SGCZ: variants seen among roughly 807,000 people sequenced by gnomAD.
SGCZ encodes sarcoglycan zeta, also known as zeta-sarcoglycan.
SGCZ carries 40 observed loss-of-function variants against 41.3 expected under a neutral mutation model. The ratio of observed to expected loss-of-function variants is 0.97; its 90% CI spans 0.75 to 1.26. The LOEUF (loss-of-function observed/expected upper bound fraction) is 1.26. Among genes scored for constraint, SGCZ ranks in the 50% most tolerant of loss-of-function variants. SGCZ has a pLI of 0.00. For synonymous variants in SGCZ, 206 were observed against 137.5 expected (o/e 1.50, Z -3.49); for missense variants, 552 against 369.8 (o/e 1.49, Z -4.04).
intron 4 of SGCZ, among the ~76,000 whole-genome samples, chr8:14,236,352 T>C (rs958509451): frequency 3.9e-5 from 6 of 152,206 alleles, no homozygotes; most frequent in Admixed American, 2.6e-4. Flanking sequence ...CAAACTTTTA[T>C]GATGTAAAGC....
intron 1 of SGCZ, among the ~76,000 whole-genome samples, chr8:15,229,689 C>A (rs145136531): frequency 2.0e-5 from 3 of 152,136 alleles, no homozygotes; most frequent in East Asian, 3.9e-4. Flanking sequence ...TTTTAAAAGC[C>A]CTCAAATACT....
intron 1 of SGCZ, among the ~76,000 whole-genome samples, chr8:15,051,859 A>G (rs189082884): frequency 6.6e-6 from 1 of 152,308 alleles, no homozygotes; most frequent in Non-Finnish European, 1.5e-5. Context: ...GTGTTTAAGC[A>G]TTTGAGCTGG....
At chr8:14,593,244 C>T (rs149724168) in intron 1 of SGCZ, among the ~76,000 whole-genome samples, 1 of 152,040 alleles carries the variant, frequency 6.6e-6, no homozygotes, top group Non-Finnish European at 1.5e-5. Context: ...CAAGAGAATC[C>T]GTTGGTAGCA....
intron 1 of SGCZ, among the ~76,000 whole-genome samples, chr8:14,772,865 G>T (rs990431710): frequency 1.3e-5 from 2 of 151,946 alleles, no homozygotes; most frequent in Non-Finnish European, 2.9e-5. Context: ...CTTTGCTGTT[G>T]TGAATAGTGC....
intron 2 of SGCZ, among the ~76,000 whole-genome samples, chr8:14,451,679 A>C (rs1159399222): frequency 6.6e-6 from 1 of 152,210 alleles, no homozygotes; most frequent in African/African-American, 2.4e-5. Context: ...AAAAATGGGC[A>C]AAAGGTCTTA....
chr8:14,498,048 A>T (rs1183604671), intron 2 of SGCZ, among the ~76,000 whole-genome samples: 1 of 152,144 alleles, frequency 6.6e-6, no homozygotes, highest in Non-Finnish European at 1.5e-5. Flanking sequence ...ATTCATGCAC[A>T]TTGGCATTTG....
At chr8:14,481,570 GT>G (rs1333286319) in intron 2 of SGCZ, among the ~76,000 whole-genome samples, 1 of 152,014 alleles carries the variant, frequency 6.6e-6, no homozygotes, top group African/African-American at 2.4e-5. Context: ...TGAGTTTACT[GT>G]TTTATTTTAT....
At chr8:14,256,557 T>TAA (rs201237508) in intron 3 of SGCZ, among the ~76,000 whole-genome samples, 6,063 of 141,516 alleles carry the variant, frequency 0.043, 219 homozygotes, top group East Asian at 0.19. Context: ...CAGTTGGAAT[T>TAA]ACTCTCTCTT....
intron 3 of SGCZ, among the ~76,000 whole-genome samples, chr8:14,258,559 C>T (rs1563217810): frequency 6.6e-6 from 1 of 151,770 alleles, no homozygotes; most frequent in Non-Finnish European, 1.5e-5. Context: ...TGTACTTCTC[C>T]AAAAAAATAC....
chr8:14,708,132 T>A (rs1809389848), intron 1 of SGCZ, among the ~76,000 whole-genome samples: 1 of 151,952 alleles, frequency 6.6e-6, no homozygotes. Context: ...TTAATTTAAA[T>A]TTTAATTAAA....
chr8:14,583,554 G>T (rs988322025), intron 1 of SGCZ, among the ~76,000 whole-genome samples: 2 of 152,008 alleles, frequency 1.3e-5, no homozygotes, highest in African/African-American at 4.8e-5. Context: ...CATTGCTTTT[G>T]ATGTTTTAGA....
At chr8:14,124,899 A>G (rs989539884) in intron 5 of SGCZ, among the ~76,000 whole-genome samples, 5 of 152,018 alleles carry the variant, frequency 3.3e-5, no homozygotes, top group African/African-American at 1.2e-4. Context: ...TAAAGTAGAA[A>G]TGAAGCTGAC....
intron 1 of SGCZ, among the ~76,000 whole-genome samples, chr8:15,191,334 C>T (rs1355527066): frequency 6.6e-6 from 1 of 152,022 alleles, no homozygotes; most frequent in Non-Finnish European, 1.5e-5. Flanking sequence ...TTCGTATTCA[C>T]AAGCATACCT....
chr8:14,356,115 C>T (rs1803285134), intron 2 of SGCZ, among the ~76,000 whole-genome samples: 1 of 152,134 alleles, frequency 6.6e-6, no homozygotes, highest in Non-Finnish European at 1.5e-5. Context: ...AGTGGACAAG[C>T]AATGCTGTAC....
intron 1 of SGCZ, among the ~76,000 whole-genome samples, chr8:15,215,136 G>A (rs911359693): frequency 3.9e-5 from 6 of 152,034 alleles, no homozygotes; most frequent in African/African-American, 1.4e-4. Context: ...CAAGAAATTA[G>A]TTTATATGCC....
chr8:14,501,951 A>C (rs1255735592), intron 2 of SGCZ, among the ~76,000 whole-genome samples: 1 of 152,142 alleles, frequency 6.6e-6, no homozygotes, highest in Non-Finnish European at 1.5e-5. Flanking sequence ...TTAGAAAAGA[A>C]AATGAAGCGA....
chr8:14,374,330 G>C (rs927245710), intron 2 of SGCZ, among the ~76,000 whole-genome samples: 16 of 152,170 alleles, frequency 1.1e-4, no homozygotes, highest in African/African-American at 3.9e-4. Context: ...GGGTGACAGA[G>C]AGACCCTGTC....
At chr8:15,132,672 G>T (rs1807955947) in intron 1 of SGCZ, among the ~76,000 whole-genome samples, 1 of 152,122 alleles carries the variant, frequency 6.6e-6, no homozygotes, top group South Asian at 2.1e-4. Context: ...AGAGCAATTG[G>T]TAAATATTGA....
chr8:14,433,916 T>A (rs1029699539), intron 2 of SGCZ, among the ~76,000 whole-genome samples: 2 of 152,050 alleles, frequency 1.3e-5, no homozygotes, highest in African/African-American at 2.4e-5. Flanking sequence ...TTTCTAAGAG[T>A]TGACATTTTC....
Sources: allele counts gnomAD v4.1 joint callset (sites outside exome capture counted in the v4.1 genomes callset), GRCh38; gene constraint gnomAD v4.1.1; transcripts MANE v1.5; gene names NCBI Gene and HGNC (gene_info 2026-07-23, HGNC 2026-07-21).